The following CUX1 variants were observed in gnomAD, a reference collection of about 807,000 sequenced individuals.
CUX1 encodes protein CASP.
A neutral mutation model predicts 158.8 loss-of-function variants in CUX1; 31 were observed. The ratio of observed to expected loss-of-function variants is 0.20; its 90% confidence interval spans 0.15 to 0.26. The LOEUF is 0.26. CUX1 is among the 10% of genes least tolerant of loss of function. The pLI is 1.00. For missense variants in CUX1, 1,589 were observed against 2,014.6 expected, an observed-to-expected ratio of 0.79 and a Z score of 4.04; for synonymous variants, 879 against 862.1, an observed-to-expected ratio of 1.02 and a Z score of -0.34.
intron 10 of CUX1, among the ~76,000 whole-genome samples, chr7:102,176,792 C>T (rs538037006): frequency 2.6e-5 from 4 of 151,816 alleles, no homozygotes; most frequent in South Asian, 2.1e-4. Flanking sequence ...AAGCTGGTCT[C>T]GAACTCTTGA....
At position 102,187,801 on chromosome 7, in the gene CUX1, G is replaced by A. The variant is rs561820155; in HGVS notation, c.1018-2012G>A. 1.2e-4 allele frequency among the ~76,000 whole-genome samples: 18 copies of A among 151,404 alleles called. No homozygotes were observed. The South Asian group carries it at 3.6e-3, about 30-fold the overall frequency. On this transcript the variant is annotated intron_variant, in intron 11 of 23. Transcript: ENST00000292535. The stretch of plus-strand genomic sequence containing the variant: ...TGGGATTACAGGCGTCAGCCACCGC[G>A]CCCAGCCCTGAATTTTTAAAACATC...
rs113539522 is a variant in CUX1 at position 102,156,666 on chromosome 7, G to A, written c.675-1894G>A. Reference sequence around the variant, plus strand: ...GGTGGGTGGGTACTCTCACTTGGACGTGCCTCCTTGGGACCATGGAGCAGG... The same window carrying A: ...GGTGGGTGGGTACTCTCACTTGGACATGCCTCCTTGGGACCATGGAGCAGG... On this transcript the variant is annotated intron_variant, in intron 8 of 23. Transcript: ENST00000292535. Among the ~76,000 whole-genome samples, 1,048 of 152,218 alleles carry A rather than the reference G, an allele frequency of 6.9e-3. 13 individuals are homozygous for A. The highest frequency in any genetic ancestry group is 0.024 in the African/African-American group (988 of 41,554).
upstream of CUX1, chr7:101,816,892 G>A: frequency 1.0e-6 from 1 of 979,558 alleles, no homozygotes; most frequent in Non-Finnish European, 1.2e-6. Context: ...CCGCCGCTCC[G>A]GCACCCCGCG....
chr7:101,880,226 G>C (rs1358153273), intron 1 of CUX1, among the ~76,000 whole-genome samples: 1 of 152,148 alleles, frequency 6.6e-6, no homozygotes, highest in Non-Finnish European at 1.5e-5. Context: ...ATTGGGTTTG[G>C]AGAAGTTTCC....
At chr7:102,192,779 GTC>G (rs1264045805) in intron 12 of CUX1, among the ~76,000 whole-genome samples, 5 of 152,214 alleles carry the variant, frequency 3.3e-5, no homozygotes, top group Admixed American at 2.0e-4. Context: ...CCTGCTCTGG[GTC>G]TCTCTCTTCC....
At chr7:102,108,188 A>G (rs1352568912) in intron 6 of CUX1, among the ~76,000 whole-genome samples, 1 of 152,226 alleles carries the variant, frequency 6.6e-6, no homozygotes, top group South Asian at 2.1e-4. Context: ...TGGAGAATTC[A>G]TAGTAACATG....
At chr7:102,126,085 C>T (rs2131253247) in intron 8 of CUX1, among the ~76,000 whole-genome samples, 1 of 152,124 alleles carries the variant, frequency 6.6e-6, no homozygotes, top group Non-Finnish European at 1.5e-5. Context: ...GCGATCTCAG[C>T]TCACTGCAAC....
At chr7:102,146,011 T>G (rs556269182) in intron 8 of CUX1, among the ~76,000 whole-genome samples, 55 of 151,972 alleles carry the variant, frequency 3.6e-4, no homozygotes, top group Non-Finnish European at 6.6e-4. Flanking sequence ...CAACCCATTT[T>G]CCACCAGCCA....
chr7:102,222,175 G>A (rs938971285), intron 20 of CUX1, among the ~76,000 whole-genome samples: 5 of 152,082 alleles, frequency 3.3e-5, no homozygotes, highest in Non-Finnish European at 7.4e-5. Context: ...TTGGCAAGGA[G>A]GCTAAAGTGG....
exon 23 of CUX1, chr7:102,283,262 G>C: frequency 1.6e-6 from 1 of 633,076 alleles, no homozygotes; most frequent in Non-Finnish European, 2.9e-6. Flanking sequence ...AGAATGTCTC[G>C]GTCACATCAG....
At chr7:101,862,705 A>C (rs557629485) in intron 1 of CUX1, among the ~76,000 whole-genome samples, 1 of 152,288 alleles carries the variant, frequency 6.6e-6, no homozygotes, top group South Asian at 2.1e-4. Flanking sequence ...AACACGTTTC[A>C]TCATCAGGCT....
chr7:102,090,005 G>A (rs762921280), intron 4 of CUX1, among the ~76,000 whole-genome samples: 7 of 152,112 alleles, frequency 4.6e-5, no homozygotes, highest in Non-Finnish European at 7.4e-5. Flanking sequence ...CATTGACTTT[G>A]CCTAGTTTTC....
Position 101,972,052 on chromosome 7 carries a change from C to T in CUX1, c.141+55827C>T, listed in dbSNP as rs557561972. ...CGCTATCTTGGCTCACTGCAAGCTCCGCCTCCCGGGTTCACGCCATTCTCC... is the reference window on the plus strand; with the variant it reads ...CGCTATCTTGGCTCACTGCAAGCTCTGCCTCCCGGGTTCACGCCATTCTCC... On this transcript the variant is annotated intron_variant, in intron 2 of 23. Transcript: ENST00000292535. 9.8e-5 allele frequency among the ~76,000 whole-genome samples: 15 copies of T among 152,288 alleles called. No homozygotes were observed. The South Asian group carries it at 2.3e-3, about 23-fold the overall frequency.
At chr7:101,967,509 A>G (rs973693348) in intron 2 of CUX1, among the ~76,000 whole-genome samples, 1 of 152,230 alleles carries the variant, frequency 6.6e-6, no homozygotes, top group Non-Finnish European at 1.5e-5. Context: ...TGTGATGTTC[A>G]TTGAATGCAA....
At chr7:101,828,116 C>T (rs1201848867) in intron 1 of CUX1, among the ~76,000 whole-genome samples, 13 of 151,678 alleles carry the variant, frequency 8.6e-5, no homozygotes, top group Admixed American at 6.6e-5. Context: ...GCTGGGACTA[C>T]AGGCACCCAC....
chr7:101,920,422 G>A (rs1050896803), intron 2 of CUX1, among the ~76,000 whole-genome samples: 3 of 151,900 alleles, frequency 2.0e-5, no homozygotes, highest in African/African-American at 2.4e-5. Context: ...GCGCCTGGCC[G>A]TAGTTTTTAA....
In CUX1 at chr7:102,231,321, C is replaced by T. The variant is rs555411798; in HGVS notation, c.3434-2731C>T. Among the ~76,000 whole-genome samples the T allele has an allele frequency of 6.0e-3, 727 of 121,986 alleles. 3 individuals are homozygous for T. The highest frequency in any genetic ancestry group is 0.02 in the African/African-American group (685 of 34,364). 80.0% of individuals were successfully genotyped at this position (121,986 alleles called of 152,430 possible). A position where few individuals can be genotyped will look rare whatever the true frequency, so the allele number is the denominator to read the frequency against. ...CTGGGATTACAGGCGTGAGCCACTG[C>T]GCCCAGCCTTTTTTTTTTTTTAAAT... On this transcript the variant is annotated intron_variant, in intron 21 of 23. Coordinates refer to ENST00000292535, the MANE Select transcript of CUX1 (RefSeq NM_181552.4).
chr7:101,871,616 C>T (rs1271646400), intron 1 of CUX1, among the ~76,000 whole-genome samples: 1 of 152,016 alleles, frequency 6.6e-6, no homozygotes, highest in South Asian at 2.1e-4. Context: ...TGCAGATGTG[C>T]ATGGGTGGTG....
chr7:101,844,376 C>G (rs191835477), intron 1 of CUX1, among the ~76,000 whole-genome samples: 2 of 152,250 alleles, frequency 1.3e-5, no homozygotes, highest in African/African-American at 4.8e-5. Context: ...ACTTTAAAGT[C>G]TGAGTCTATA....
Sources: gnomAD v4.1 joint callset for allele counts (sites outside exome capture counted in the v4.1 genomes callset) on GRCh38, gnomAD v4.1.1 for gene constraint, MANE v1.5 for transcripts, NCBI Gene and HGNC (gene_info 2026-07-23, HGNC 2026-07-21) for gene names.